Variants in SLC4A10 observed in about 807,000 individuals in gnomAD.
SLC4A10 encodes solute carrier family 4 member 10.
In SLC4A10, 42 loss-of-function variants were observed where a neutral mutation model predicts 137.7. That is an observed-to-expected ratio of 0.30 (90% confidence interval 0.24 to 0.39). The LOEUF is 0.39. Among genes scored for constraint, SLC4A10 ranks in the 10% least tolerant of loss-of-function variants. The pLI is 1.00. For missense variants in SLC4A10, 925 were observed against 1,355.0 expected (o/e 0.68, Z 4.98); for synonymous variants, 474 against 464.1 (o/e 1.02, Z -0.27).
At chr2:161,720,852 G>A (rs1208142970) in intron 1 of SLC4A10, among the ~76,000 whole-genome samples, 2 of 144,654 alleles carry the variant, frequency 1.4e-5, no homozygotes. Context: ...TTTTCTTGAT[G>A]CAGAGTCTTG....
intron 3 of SLC4A10, among the ~76,000 whole-genome samples, chr2:161,819,950 C>G (rs1162367802): frequency 6.6e-6 from 1 of 152,152 alleles, no homozygotes; most frequent in Non-Finnish European, 1.5e-5. Context: ...AAATTTGTAA[C>G]ACTTCAACGT....
chr2:161,756,581 A>G (rs1193066582), intron 1 of SLC4A10, among the ~76,000 whole-genome samples: 1 of 152,188 alleles, frequency 6.6e-6, no homozygotes. Context: ...TAGATTTTAT[A>G]GCTGCACAAT....
intron 1 of SLC4A10, among the ~76,000 whole-genome samples, chr2:161,741,876 C>T (rs941016222): frequency 2.0e-5 from 3 of 152,168 alleles, no homozygotes; most frequent in African/African-American, 7.2e-5. Context: ...TTATTGCTGA[C>T]TGGTCACCCT....
chr2:161,663,516 A>C (rs1196792206), intron 1 of SLC4A10, among the ~76,000 whole-genome samples: 1 of 152,166 alleles, frequency 6.6e-6, no homozygotes, highest in African/African-American at 2.4e-5. Flanking sequence ...ATTGGAATGT[A>C]ATATTATCAA....
At chr2:161,731,016 A>G (rs186555667) in intron 1 of SLC4A10, among the ~76,000 whole-genome samples, 2 of 152,280 alleles carry the variant, frequency 1.3e-5, no homozygotes, top group Non-Finnish European at 2.9e-5. Context: ...TAGTCATTTA[A>G]TAAATGTTGT....
chr2:161,919,146 C>G (rs1421907429), intron 15 of SLC4A10, among the ~76,000 whole-genome samples: 2 of 152,268 alleles, frequency 1.3e-5, no homozygotes, highest in East Asian at 1.9e-4. Flanking sequence ...CACACCAGCC[C>G]CCTGCCATCT....
intron 1 of SLC4A10, among the ~76,000 whole-genome samples, chr2:161,754,593 CAT>C (rs1453106625): frequency 2.9e-4 from 44 of 152,282 alleles, no homozygotes; most frequent in Non-Finnish European, 1.0e-4. Flanking sequence ...GCTTGCCAAT[CAT>C]GTGATTGACT....
chr2:161,943,922 A>G (rs1693215562), intron 16 of SLC4A10, among the ~76,000 whole-genome samples: 1 of 151,852 alleles, frequency 6.6e-6, no homozygotes, highest in African/African-American at 2.4e-5. Context: ...TATATTCTTG[A>G]TTTTCTCTAT....
chr2:161,656,436 T>C (rs1486742554), intron 1 of SLC4A10, among the ~76,000 whole-genome samples: 1 of 152,162 alleles, frequency 6.6e-6, no homozygotes, highest in Non-Finnish European at 1.5e-5. Flanking sequence ...ATTAAAAATA[T>C]TCACACACAA....
chr2:161,817,460 G>T (rs1412180687), intron 3 of SLC4A10, among the ~76,000 whole-genome samples: 1 of 152,082 alleles, frequency 6.6e-6, no homozygotes, highest in East Asian at 1.9e-4. Flanking sequence ...GATTTCTTTT[G>T]CTGTGCAGAA....
At chr2:161,721,446 C>A (rs539573642) in intron 1 of SLC4A10, among the ~76,000 whole-genome samples, 1 of 152,262 alleles carries the variant, frequency 6.6e-6, no homozygotes, top group Admixed American at 6.5e-5. Context: ...ACTTATGAAG[C>A]GTGGTTTAGC....
intron 1 of SLC4A10, among the ~76,000 whole-genome samples, chr2:161,649,568 TA>T (rs1171379663): frequency 6.6e-6 from 1 of 152,166 alleles, no homozygotes; most frequent in Admixed American, 6.5e-5. Flanking sequence ...GTTTATTAAT[TA>T]TATTTCAAAT....
chr2:161,670,530 G>T (rs903386932), intron 1 of SLC4A10, among the ~76,000 whole-genome samples: 1 of 151,496 alleles, frequency 6.6e-6, no homozygotes, highest in Non-Finnish European at 1.5e-5. Flanking sequence ...GCTTGGCCAG[G>T]TTTTATCTCG....
intron 16 of SLC4A10, among the ~76,000 whole-genome samples, chr2:161,944,166 C>G (rs938358970): frequency 3.3e-5 from 5 of 151,606 alleles, no homozygotes; most frequent in African/African-American, 9.7e-5. Context: ...TTAAACTGAA[C>G]AATAAAAGAA....
At chr2:161,836,552 G>C (rs2058799870) in intron 3 of SLC4A10, among the ~76,000 whole-genome samples, 1 of 64,850 alleles carries the variant, frequency 1.5e-5, no homozygotes, top group Admixed American at 1.6e-4. Context: ...AAGAAAGAAA[G>C]AAAGAAAGAA....
At chr2:161,943,005 A>G in intron 16 of SLC4A10, 108 bp downstream of exon 16, 1 of 721,814 alleles carries the variant, frequency 1.4e-6, no homozygotes, top group Non-Finnish European at 2.3e-6. Flanking sequence ...TATAAAACTA[A>G]TAGTTGTGTT....
At chr2:161,624,783 G>A (rs768872240) in intron 1 of SLC4A10, among the ~76,000 whole-genome samples, 1 of 151,700 alleles carries the variant, frequency 6.6e-6, no homozygotes, top group African/African-American at 2.4e-5. Flanking sequence ...GATGCACTAC[G>A]GTGATGAAAT....
chr2:161,753,887 T>TTTATTTATTTATTTAC lies in SLC4A10; in HGVS notation c.49-17071_49-17070insCTTATTTATTTATTTA, dbSNP rs1553525415. 7.3e-5 allele frequency among the ~76,000 whole-genome samples: 11 copies of TTTATTTATTTATTTAC among 149,788 alleles called. 1 individual carries two copies. The highest frequency in any genetic ancestry group is 1.6e-4 in the Non-Finnish European group (11 of 67,488). ...ATTTATTTATTTATTTATTTATTTA[T>TTTATTTATTTATTTAC]TTATTTATTTATTTATTTTTGGGAC... On this transcript the variant is annotated intron_variant, in intron 1 of 26. Transcript: ENST00000446997.
Position 161,892,622 on chromosome 2 carries a change from C to G in SLC4A10, c.1195-2057C>G, listed in dbSNP as rs1173715492. Among the ~76,000 whole-genome samples, 8 of 152,022 alleles carry G rather than the reference C, an allele frequency of 5.3e-5. No individual in the cohort carries two copies. In the East Asian group the frequency reaches 1.6e-3, roughly 29 times the overall value. On this transcript the variant is annotated intron_variant, in intron 10 of 26. Transcript: ENST00000446997. ...CAAACCAGAAATGGAAACAAATGGTCTAAAAGTAAAATAGAATATTTGAAA... is the reference window on the plus strand; with the variant it reads ...CAAACCAGAAATGGAAACAAATGGTGTAAAAGTAAAATAGAATATTTGAAA...
Sources: gnomAD v4.1 joint callset for allele counts (sites outside exome capture counted in the v4.1 genomes callset) on GRCh38, gnomAD v4.1.1 for gene constraint, MANE v1.5 for transcripts, NCBI Gene and HGNC (gene_info 2026-07-23, HGNC 2026-07-21) for gene names.